The following UPF2 variants were observed in gnomAD, a reference collection of about 807,000 sequenced individuals.
UPF2 encodes the protein regulator of nonsense transcripts 2.
A neutral mutation model predicts 141.4 loss-of-function variants in UPF2; 17 were observed. The observed-to-expected ratio is 0.12, with a 90% CI of 0.08 to 0.18. UPF2 has a LOEUF of 0.18. UPF2 is among the 10% of genes least tolerant of loss of function. The pLI, the probability that UPF2 is intolerant of heterozygous loss-of-function variation, is 1.00. For synonymous variants in UPF2, 540 were observed against 498.0 expected, an observed-to-expected ratio of 1.08 and a Z score of -1.12; for missense variants, 1,152 against 1,515.9, an observed-to-expected ratio of 0.76 and a Z score of 3.99.
chr10:11,990,670 C>T (rs184688123), intron 8 of UPF2, among the ~76,000 whole-genome samples: 140 of 117,740 alleles, frequency 1.2e-3, no homozygotes, highest in Middle Eastern at 5.0e-3. Flanking sequence ...AAGAGCAAGA[C>T]TCTGTCTCAA....
intron 8 of UPF2, among the ~76,000 whole-genome samples, chr10:11,996,353 C>CT (rs11339849): frequency 4.2e-5 from 6 of 142,188 alleles, no homozygotes; most frequent in African/African-American, 1.0e-4. Flanking sequence ...TTCATTCAAC[C>CT]TTTTTTTTTT....
intron 18 of UPF2, among the ~76,000 whole-genome samples, chr10:11,942,148 A>C (rs1832943649): frequency 6.6e-6 from 1 of 152,140 alleles, no homozygotes; most frequent in Non-Finnish European, 1.5e-5. Flanking sequence ...CCGTAGCAGG[A>C]GGATCACCTG....
At chr10:11,967,529 C>A (rs1376442631) in intron 9 of UPF2, 75 bp from the exon 10 acceptor site, 9 of 645,270 alleles carry the variant, frequency 1.4e-5, no homozygotes, top group East Asian at 7.9e-5. Context: ...TATTTTAATG[C>A]ATTCGAATTC....
intron 18 of UPF2, among the ~76,000 whole-genome samples, chr10:11,938,845 T>TTTTTTTG (rs1564337740): frequency 8.5e-5 from 10 of 117,568 alleles, no homozygotes; most frequent in African/African-American, 3.8e-4. Context: ...TAAGCAAGTT[T>TTTTTTTG]TTTTTTTGTT....
At position 11,998,672 on chromosome 10, in the gene UPF2, G is replaced by GTGAA. The variant is rs1232261733; in HGVS notation, c.1759-919_1759-916dup. 2.0e-5 allele frequency among the ~76,000 whole-genome samples: 3 copies of GTGAA among 152,104 alleles called. No homozygotes were observed. Among genetic ancestry groups the GTGAA allele is most frequent in the African/African-American group, 7.2e-5 (3 of 41,426 alleles). On this transcript the variant is annotated intron_variant, in intron 7 of 21. Transcript: ENST00000357604. This position sits in a 1 kb window ranked among gnomAD's most constrained non-coding sequence, Gnocchi z 4.5. The stretch of plus-strand genomic sequence containing the variant: ...GTTCAAGACCAGCCTGGCCAACATA[G>GTGAA]TGAAACCCTGTCTCTACTAAAAATA...
intron 9 of UPF2, among the ~76,000 whole-genome samples, chr10:11,969,541 A>C (rs996093966): frequency 1.3e-5 from 2 of 152,130 alleles, no homozygotes; most frequent in African/African-American, 4.8e-5. Flanking sequence ...ATAAAATAGA[A>C]TGTCTCATTT....
In UPF2 at chr10:11,936,685, G is replaced by A. The variant is rs747862925; in HGVS notation, c.3406C>T (p.His1136Tyr). The change falls in exon 19 of 22, where the codon CAC becomes TAC. Residue 1136 changes from histidine (H) to tyrosine (Y), a missense_variant. This residue lies in a region of UPF2 where 202 missense variants were observed against 223.6 expected (regional missense o/e 0.90). Coordinates refer to ENST00000357604, the MANE Select transcript of UPF2 (RefSeq NM_015542.4). The surrounding 1 kb of genome is among the most constrained non-coding windows in gnomAD (Gnocchi z 6.6). ...AAAGGAATGGCAACATCTAGTTGGTGCACTTTAACAGATTCACCACTTCGT... is the reference window on the plus strand; with the variant it reads ...AAAGGAATGGCAACATCTAGTTGGTACACTTTAACAGATTCACCACTTCGT... ...QQRSGESVKVHQLDVAIPLHL... is the reference protein window; with the variant it reads ...QQRSGESVKVYQLDVAIPLHL... The A allele has an allele frequency of 6.2e-7, 1 of 1,610,776 alleles. No homozygotes were observed. Among genetic ancestry groups the A allele is most frequent in the South Asian group, 1.1e-5 (1 of 90,196 alleles).
chr10:12,010,628 C>T (rs999869430), intron 4 of UPF2, among the ~76,000 whole-genome samples: 3 of 151,984 alleles, frequency 2.0e-5, no homozygotes, highest in African/African-American at 7.3e-5. Flanking sequence ...GTAATTGAGT[C>T]CCTATAGGAG....
chr10:11,935,246 T>C lies in UPF2; in HGVS notation c.3546+1299A>G, dbSNP rs1832835124. On this transcript the variant is annotated intron_variant, in intron 19 of 21. Coordinates refer to ENST00000357604, the MANE Select transcript of UPF2 (RefSeq NM_015542.4). This position sits in a 1 kb window ranked among gnomAD's most constrained non-coding sequence, Gnocchi z 4.9. ...TCCTTGGTAGCCATCCCAACGTGAC[T>C]TGGTGTATTTCTCATATGCCTCCCA... Among the ~76,000 whole-genome samples the C allele has an allele frequency of 6.6e-6, 1 of 152,158 alleles. No individual in the cohort carries two copies. The highest frequency in any genetic ancestry group is 2.4e-5 in the African/African-American group (1 of 41,428).
chr10:11,923,666 A>G (rs895075265), intron 21 of UPF2, among the ~76,000 whole-genome samples: 4 of 113,642 alleles, frequency 3.5e-5, no homozygotes, highest in African/African-American at 1.2e-4. Flanking sequence ...GCGAGACCCC[A>G]TCTCAAAAAA....
chr10:11,951,907 A>G, intron 15 of UPF2, 159 bp downstream of exon 15: 1 of 654,726 alleles, frequency 1.5e-6, no homozygotes, highest in Non-Finnish European at 2.5e-6. Flanking sequence ...AGTGAAATCA[A>G]GCACACCACA....
intron 4 of UPF2, among the ~76,000 whole-genome samples, chr10:12,006,665 G>T (rs529785645): frequency 1.3e-5 from 2 of 152,208 alleles, no homozygotes; most frequent in East Asian, 3.9e-4. Context: ...AAACAAACTG[G>T]AAGACAATAT....
chr10:12,034,394 C>T (rs1172485222), intron 2 of UPF2, among the ~76,000 whole-genome samples: 1 of 151,560 alleles, frequency 6.6e-6, no homozygotes, highest in Non-Finnish European at 1.5e-5. Flanking sequence ...ACAGTCTTGG[C>T]TCACTGCAAC....
chr10:12,006,581 A>C (rs1442555093), intron 4 of UPF2, among the ~76,000 whole-genome samples: 1 of 152,214 alleles, frequency 6.6e-6, no homozygotes, highest in East Asian at 1.9e-4. Flanking sequence ...TAGGACACTA[A>C]ACCCATACAC....
At chr10:11,965,076 G>A (rs1486697712) in intron 10 of UPF2, among the ~76,000 whole-genome samples, 1 of 152,080 alleles carries the variant, frequency 6.6e-6, no homozygotes, top group Non-Finnish European at 1.5e-5. Context: ...AATTTTGGAG[G>A]ATTTCAAATT....
chr10:11,943,131 T>G lies in UPF2; in HGVS notation c.3212A>C (p.Glu1071Ala). ...SDNDDDEGEE[E>A]EEENTDYLTD... is the part of the protein sequence containing the mutation. ...AAGGTAATCTGTATTCTCTTCCTCC[T>G]CTTCTTCTCCCTCATCATCATCATT... Residue 1071 changes from glutamate (E) to alanine (A), a missense_variant, in exon 17 of 22, where the codon GAG (glutamate) becomes GCG (alanine). Coordinates refer to ENST00000357604, the MANE Select transcript of UPF2 (RefSeq NM_015542.4). 1 of 1,611,852 alleles carries G rather than the reference T, an allele frequency of 6.2e-7. No homozygotes were observed. The highest frequency in any genetic ancestry group is 2.2e-5 in the East Asian group (1 of 44,786).
chr10:11,997,632 G>C (rs764227950), intron 8 of UPF2, 40 bp downstream of exon 8: 1 of 1,577,212 alleles, frequency 6.3e-7, no homozygotes, highest in Non-Finnish European at 8.7e-7. Context: ...CAGCACTACA[G>C]AGTAAAAACA....
intron 21 of UPF2, among the ~76,000 whole-genome samples, chr10:11,927,938 G>T (rs11594447): frequency 0.062 from 9,439 of 151,604 alleles, 378 homozygotes; most frequent in Non-Finnish European, 0.092. Flanking sequence ...AATTCTGCCA[G>T]CCCCAGCACA....
intron 21 of UPF2, among the ~76,000 whole-genome samples, chr10:11,922,174 G>C (rs1182655985): frequency 3.3e-5 from 5 of 152,150 alleles, no homozygotes; most frequent in Non-Finnish European, 2.9e-5. Context: ...CCAGGCCTCA[G>C]AAGGAACCAG....
Sources: allele counts gnomAD v4.1 joint callset (sites outside exome capture counted in the v4.1 genomes callset), GRCh38; gene constraint gnomAD v4.1.1; regional missense constraint gnomAD v4.1.1; non-coding constraint Gnocchi (gnomAD v3.1); transcripts MANE v1.5; gene names NCBI Gene and HGNC (gene_info 2026-07-23, HGNC 2026-07-21).